The following SHPRH variants were observed in gnomAD, a reference collection of about 807,000 sequenced individuals.
SHPRH encodes SNF2 histone linker PHD RING helicase.
SHPRH carries 106 observed loss-of-function variants against 202.5 expected under a neutral mutation model. That is an observed-to-expected ratio of 0.52 (90% CI 0.45 to 0.62). The LOEUF is 0.62. Among genes scored for constraint, SHPRH ranks in the 20% least tolerant of loss-of-function variants. SHPRH has a pLI of 0.00. For synonymous variants in SHPRH, 729 were observed against 686.0 expected (o/e 1.06, Z -0.98); for missense variants, 1,710 against 2,020.0 (o/e 0.85, Z 2.94).
chr6:145,947,750 G>T, intron 5 of SHPRH, 107 bp from the exon 6 acceptor site: 1 of 1,321,540 alleles, frequency 7.6e-7, no homozygotes, highest in Non-Finnish European at 1.0e-6. Context: ...TAAAGTCTAA[G>T]TTTATTGAAA....
chr6:145,956,061 G>A (rs1250468122), intron 1 of SHPRH, among the ~76,000 whole-genome samples: 1 of 152,014 alleles, frequency 6.6e-6, no homozygotes, highest in Admixed American at 6.6e-5. Flanking sequence ...AAGAAAAAAA[G>A]AAGCAGAATA....
intron 28 of SHPRH, among the ~76,000 whole-genome samples, 160 bp downstream of exon 28, chr6:145,893,055 T>C (rs536466067): frequency 6.6e-6 from 1 of 151,932 alleles, no homozygotes; most frequent in South Asian, 2.1e-4. Context: ...TAAAAAGTTA[T>C]AAATAAATAA....
chr6:145,927,211 T>C lies in SHPRH; in HGVS notation c.3179A>G (p.Lys1060Arg). ...TACTTGAAGTGAATCAGTTTTGAGT[T>C]TTCCTTTGTGTTCCTCCGAGGAGCG... ...VLRSSEEHKG[K>R]LKTDSLQRLH... Residue 1060 changes from lysine to arginine, a missense_variant, in exon 15 of 30, where the codon AAA becomes AGA. By Grantham distance (26) the Lys-to-Arg change is conservative (BLOSUM62 2). Coordinates refer to ENST00000275233, the MANE Select transcript of SHPRH (RefSeq NM_001042683.3). The C allele has an allele frequency of 6.2e-7, 1 of 1,612,132 alleles. No individual in the cohort carries two copies. The highest frequency in any genetic ancestry group is 8.5e-7 in the Non-Finnish European group (1 of 1,178,818).
chr6:145,951,939 A>T (rs1450640930), intron 3 of SHPRH: 1 of 455,352 alleles, frequency 2.2e-6, no homozygotes, highest in South Asian at 1.6e-5. Context: ...CAAGAAACAG[A>T]GCAAAGTTAT....
chr6:145,962,255 T>C lies in SHPRH; in HGVS notation c.-33+1476A>G, dbSNP rs183945690. Among the ~76,000 whole-genome samples the C allele has an allele frequency of 2.2e-3, 340 of 152,326 alleles. 1 individual carries two copies. The highest frequency in any genetic ancestry group is 7.7e-3 in the African/African-American group (321 of 41,574). ...CTGCTAGAGTGTTCACTTTGAAAGA[T>C]GGGCAGGAGTAGTATCCTATTCAGT... On this transcript the variant is annotated intron_variant, in intron 1 of 29. Coordinates refer to ENST00000275233, the MANE Select transcript of SHPRH (RefSeq NM_001042683.3).
chr6:145,916,220 G>A (rs760389792), intron 23 of SHPRH, among the ~76,000 whole-genome samples: 1 of 151,944 alleles, frequency 6.6e-6, no homozygotes, highest in Non-Finnish European at 1.5e-5. Context: ...ATGTTGTCCA[G>A]TTTTCCTTTT....
At chr6:145,897,065 A>C (rs1782074381) in intron 25 of SHPRH, among the ~76,000 whole-genome samples, 1 of 151,966 alleles carries the variant, frequency 6.6e-6, no homozygotes, top group Admixed American at 6.6e-5. Flanking sequence ...AAATAAATAA[A>C]ATAGAGATCA....
intron 8 of SHPRH, among the ~76,000 whole-genome samples, chr6:145,944,647 G>A (rs1369377238): frequency 6.6e-6 from 1 of 151,984 alleles, no homozygotes; most frequent in Non-Finnish European, 1.5e-5. Flanking sequence ...CCCTACTCCA[G>A]AAAATAAATT....
intron 2 of SHPRH, among the ~76,000 whole-genome samples, chr6:145,872,451 CTAAT>C (rs909219468): frequency 5.3e-5 from 8 of 152,160 alleles, no homozygotes; most frequent in Non-Finnish European, 7.4e-5. Flanking sequence ...CTTCACATCA[CTAAT>C]TATTAGATAA....
chr6:145,943,107 CATTTTCCTCTCCCTCTTT>C lies in SHPRH; in HGVS notation c.2238+18_2238+35del. 6.6e-7 allele frequency: 1 copy of C among 1,522,460 alleles called. No individual in the cohort carries two copies. Among genetic ancestry groups the C allele is most frequent in the South Asian group, 1.3e-5 (1 of 75,518 alleles). The allele number at this position is 1,522,460 out of a possible 1,614,324, so 94.3% of individuals were successfully genotyped here. A position where few individuals can be genotyped will look rare whatever the true frequency, so the allele number is the denominator to read the frequency against. On this transcript the variant is annotated intron_variant, in intron 9 of 29. Coordinates refer to ENST00000275233, the MANE Select transcript of SHPRH (RefSeq NM_001042683.3). ...ACTATCATGAAGAAGCAAAACTTTA[CATTTTCCTCTCCCTCTTT>C]AGTCCAAGTGGCCTTACCAAGACTC...
chr6:145,922,172 A>C, intron 20 of SHPRH, 114 bp downstream of exon 20: 1 of 890,084 alleles, frequency 1.1e-6, no homozygotes, highest in Non-Finnish European at 1.7e-6. Flanking sequence ...AATTTAATTA[A>C]AGAAACAATA....
intron 25 of SHPRH, among the ~76,000 whole-genome samples, chr6:145,901,275 CCG>C (rs1452453489): frequency 2.0e-5 from 3 of 152,058 alleles, no homozygotes; most frequent in African/African-American, 7.2e-5. Flanking sequence ...ATGTTTTATA[CCG>C]CCTTAATGAG....
At chr6:145,864,391 T>C in exon 3 of SHPRH, 1 of 426,554 alleles carries the variant, frequency 2.3e-6, no homozygotes. Flanking sequence ...AACTCACAAA[T>C]CACCAAATCT....
At chr6:145,863,506 T>C (rs1779649424), downstream of SHPRH, among the ~76,000 whole-genome samples, 1 of 152,208 alleles carries the variant, frequency 6.6e-6, no homozygotes, top group South Asian at 2.1e-4. Context: ...TGGTAATTTG[T>C]CATTTTGCAA....
In SHPRH at chr6:145,869,082, C is replaced by G. The variant is rs190199678; in HGVS notation, c.222-4591G>C. 3.9e-3 allele frequency among the ~76,000 whole-genome samples: 587 copies of G among 152,228 alleles called. 3 individuals carry two copies. The highest frequency in any genetic ancestry group is 6.8e-3 in the Middle Eastern group (2 of 294). Reference sequence around the variant, plus strand: ...TCAGTGTTTTAGATTTTGGCCATTCCAGTAGGTGTGTATCAATATCTTGTT... The same window carrying G: ...TCAGTGTTTTAGATTTTGGCCATTCGAGTAGGTGTGTATCAATATCTTGTT... On this transcript the variant is annotated intron_variant, in intron 2 of 2. Transcript: ENST00000417762.
At chr6:145,861,428 C>CA (rs201603216), downstream of SHPRH, among the ~76,000 whole-genome samples, 1,677 of 131,708 alleles carry the variant, frequency 0.013, 31 homozygotes, top group East Asian at 0.083. Flanking sequence ...TGGCTATTAT[C>CA]AAAAAAAAAA....
At chr6:145,910,339 A>C in intron 25 of SHPRH, 109 bp downstream of exon 25, 1 of 1,231,836 alleles carries the variant, frequency 8.1e-7, no homozygotes, top group Non-Finnish European at 1.2e-6. Context: ...AGTGGCGTCT[A>C]CCTATTCACT....
chr6:145,945,655 T>A lies in SHPRH; in HGVS notation c.1322-18A>T. ...ACGTGTAGCTAAATGTAAAAGGATA[T>A]GCTAAATCAGTCAAAATAATTAAAA... On this transcript the variant is annotated intron_variant, in intron 7 of 29. Transcript: ENST00000275233. The A allele has an allele frequency of 6.4e-7, 1 of 1,568,906 alleles. No homozygotes were observed. The highest frequency in any genetic ancestry group is 8.6e-7 in the Non-Finnish European group (1 of 1,162,214).
At chr6:145,953,911 C>A (rs1788226010) in intron 2 of SHPRH, among the ~76,000 whole-genome samples, 1 of 151,422 alleles carries the variant, frequency 6.6e-6, no homozygotes, top group Non-Finnish European at 1.5e-5. Flanking sequence ...GTACCAGGTA[C>A]TTTACTAGGC....
Sources: allele counts gnomAD v4.1 joint callset (sites outside exome capture counted in the v4.1 genomes callset), GRCh38; gene constraint gnomAD v4.1.1; transcripts MANE v1.5; gene names NCBI Gene and HGNC (gene_info 2026-07-23, HGNC 2026-07-21).